NOTCH1: variants seen among roughly 807,000 people sequenced by gnomAD.
NOTCH1 encodes neurogenic locus notch homolog protein 1.
NOTCH1 carries 37 observed loss-of-function variants against 254.8 expected under a neutral mutation model. The observed-to-expected ratio is 0.15, with a 90% CI of 0.11 to 0.19. The LOEUF is 0.19. Ranked by LOEUF, NOTCH1 falls within the 10% of genes least tolerant of loss-of-function variation. The pLI is 1.00. For synonymous variants in NOTCH1, 1,731 were observed against 1,618.1 expected (o/e 1.07, Z -1.68); for missense variants, 2,972 against 3,708.6 (o/e 0.80, Z 5.16).
In NOTCH1 at chr9:136,500,788, T is replaced by G. The variant is rs200190466; in HGVS notation, c.5698A>C (p.Ser1900Arg). 6.2e-7 allele frequency: 1 copy of G among 1,601,576 alleles called. No homozygotes were observed. Among genetic ancestry groups the G allele is most frequent in the Non-Finnish European group, 8.5e-7 (1 of 1,179,710 alleles). ...CSGGGLETGN[S>R]EEEEDAPAVI... ...GCCGGCGCGTCCTCCTCTTCCTCGC[T>G]GTTGCCCGTCTCCAGGCCGCCCCCG... The change falls in exon 31 of 34, where the codon AGC becomes CGC. Residue 1900 changes from serine (S) to arginine (R), a missense_variant. Physicochemically the swap from Ser to Arg is moderately radical, Grantham distance 110. Coordinates refer to ENST00000651671, the MANE Select transcript of NOTCH1 (RefSeq NM_017617.5).
chr9:136,507,951 C>T lies in NOTCH1; in HGVS notation c.3510+4G>A. 1 of 1,612,408 alleles carries T rather than the reference C, an allele frequency of 6.2e-7. No homozygotes were observed. Among genetic ancestry groups the T allele is most frequent in the Non-Finnish European group, 8.5e-7 (1 of 1,179,946 alleles). ...ACAACCCTTACCCTAGGAGGGACCCCCACCTTGCAGGAGTAGCCGCCCAGG... is the reference window on the plus strand; with the variant it reads ...ACAACCCTTACCCTAGGAGGGACCCTCACCTTGCAGGAGTAGCCGCCCAGG... On this transcript the variant is annotated splice_donor_region_variant and intron_variant, in intron 21 of 33. Transcript: ENST00000651671.
intron 3 of NOTCH1, 26 bp from the exon 4 acceptor site, chr9:136,523,214 G>T (rs536728571): frequency 8.3e-6 from 13 of 1,571,244 alleles, no homozygotes; most frequent in Non-Finnish European, 9.5e-6. Context: ...CAAGAGGGTC[G>T]TGCTGGCCTC....
At chr9:136,542,645 C>A (rs1843748536) in intron 2 of NOTCH1, among the ~76,000 whole-genome samples, 1 of 118,566 alleles carries the variant, frequency 8.4e-6, no homozygotes. Context: ...GCTTAATTGG[C>A]TTCAGTTTGG....
intron 15 of NOTCH1, among the ~76,000 whole-genome samples, chr9:136,512,144 C>T (rs1049574382): frequency 5.9e-5 from 9 of 152,250 alleles, no homozygotes; most frequent in Non-Finnish European, 1.2e-4. Flanking sequence ...CTCCTCCTGC[C>T]GGCCCGATCG....
intron 8 of NOTCH1, 132 bp from the exon 9 acceptor site, chr9:136,517,517 C>T: frequency 1.2e-6 from 1 of 821,904 alleles, no homozygotes; most frequent in Admixed American, 2.1e-5. Context: ...CCCTGCGCAC[C>T]CGCTCCCCTG....
At position 136,496,663 on chromosome 9, in the gene NOTCH1, A is replaced by G. The variant is rs1206968320; in HGVS notation, c.7076T>C (p.Leu2359Pro). 1 of 1,612,976 alleles carries G rather than the reference A, an allele frequency of 6.2e-7. No individual in the cohort carries two copies. The highest frequency in any genetic ancestry group is 8.5e-7 in the Non-Finnish European group (1 of 1,179,932). The change falls in exon 34 of 34, where the codon CTG becomes CCG. Residue 2359 changes from leucine to proline, a missense_variant. By Grantham distance (98) the Leu-to-Pro change is moderately conservative. Around this residue, in one of 8 missense-constraint regions of NOTCH1, gnomAD observed 529 missense variants for 529.2 expected, o/e 1.00. Coordinates refer to ENST00000651671, the MANE Select transcript of NOTCH1 (RefSeq NM_017617.5). Reference sequence around the variant, plus strand: ...GCCCTGGTAGCTCATCATCTGGGACAGGGCGCTGGCAGCAAGGCTACTGTG... The same window carrying G: ...GCCCTGGTAGCTCATCATCTGGGACGGGGCGCTGGCAGCAAGGCTACTGTG... ...PLHSSLAASA[L>P]SQMMSYQGLP...
At chr9:136,507,263 C>T in intron 22 of NOTCH1, 42 bp downstream of exon 22, 1 of 1,612,566 alleles carries the variant, frequency 6.2e-7, no homozygotes, top group Non-Finnish European at 8.5e-7. Flanking sequence ...CCTGCCCTGG[C>T]CATGGATGGC....
At chr9:136,518,559 C>T (rs2133370441) in intron 6 of NOTCH1, 32 bp downstream of exon 6, 1 of 1,585,970 alleles carries the variant, frequency 6.3e-7, no homozygotes, top group Non-Finnish European at 8.6e-7. Flanking sequence ...CATGTGAGCC[C>T]CCTGCGCCCA....
chr9:136,522,693 G>A (rs1356490754), intron 4 of NOTCH1, 157 bp downstream of exon 4: 23 of 709,286 alleles, frequency 3.2e-5, no homozygotes, highest in Admixed American at 9.2e-5. Flanking sequence ...GCGTCCCCCC[G>A]ACACCACACG....
Position 136,513,004 on chromosome 9 carries a change from CCCCA to C in NOTCH1, c.2467+13_2467+16del. 2 of 803,224 alleles carry C rather than the reference CCCCA, an allele frequency of 2.5e-6. No individual in the cohort carries two copies. Among genetic ancestry groups the C allele is most frequent in the Non-Finnish European group, 1.8e-6 (1 of 543,986 alleles). The allele number at this position is 803,224 out of a possible 1,614,324, so 49.8% of individuals were successfully genotyped here. ...TAGGCCCCGCCCCCTCCAGCACAGG[CCCCA>C]CCCACCCCTCACCTGTGTAGGGCAG... On this transcript the variant is annotated intron_variant, in intron 15 of 33. Coordinates refer to ENST00000651671, the MANE Select transcript of NOTCH1 (RefSeq NM_017617.5). The surrounding 1 kb of genome is among the most constrained non-coding windows in gnomAD (Gnocchi z 4.7).
At chr9:136,529,370 GCCCCTC>G (rs956728849) in intron 2 of NOTCH1, among the ~76,000 whole-genome samples, 4 of 152,198 alleles carry the variant, frequency 2.6e-5, no homozygotes, top group African/African-American at 9.7e-5. Context: ...TGGGACCTCA[GCCCCTC>G]CCTTGGGTAG....
intron 2 of NOTCH1, among the ~76,000 whole-genome samples, chr9:136,538,995 G>A (rs752634020): frequency 1.1e-4 from 16 of 152,200 alleles, no homozygotes; most frequent in Non-Finnish European, 1.8e-4. Flanking sequence ...AGTGGGCACC[G>A]GTGGCCGCTG....
chr9:136,545,930 G>T lies in NOTCH1; in HGVS notation c.-144C>A. 3.9e-6 allele frequency: 1 copy of T among 255,922 alleles called. No homozygotes were observed. The highest frequency in any genetic ancestry group is 6.6e-6 in the Non-Finnish European group (1 of 151,200). The allele number at this position is 255,922 out of a possible 1,614,324, so 15.9% of individuals were successfully genotyped here. A position where few individuals can be genotyped will look rare whatever the true frequency, so the allele number is the denominator to read the frequency against. On this transcript the variant is annotated 5_prime_UTR_variant, in exon 1 of 34. Coordinates refer to ENST00000651671, the MANE Select transcript of NOTCH1 (RefSeq NM_017617.5). This position sits in a 1 kb window ranked among gnomAD's most constrained non-coding sequence, Gnocchi z 6.8. ...TTCCCCGGCTGGCTGGCGGCGCTGTGCTCTCGCAGGCCCCCGGGCCCGGCT... is the reference window on the plus strand; with the variant it reads ...TTCCCCGGCTGGCTGGCGGCGCTGTTCTCTCGCAGGCCCCCGGGCCCGGCT...
At chr9:136,535,082 T>G (rs544339969) in intron 2 of NOTCH1, among the ~76,000 whole-genome samples, 1 of 73,400 alleles carries the variant, frequency 1.4e-5, no homozygotes, top group East Asian at 4.3e-4. Context: ...TTCCAGGAAA[T>G]TGCAGGAACC....
chr9:136,525,102 A>G (rs999245738), intron 2 of NOTCH1, among the ~76,000 whole-genome samples: 15 of 152,206 alleles, frequency 9.9e-5, no homozygotes, highest in Non-Finnish European at 2.1e-4. Context: ...ATCCAGGCAC[A>G]TCAGCCAGGA....
rs527323201 is a variant in NOTCH1 at position 136,515,375 on chromosome 9, A to G, written c.1929T>C (p.Asp643=). Residue 643 remains aspartate (D), a synonymous_variant, in exon 12 of 34, where the codon GAT becomes GAC. Transcript: ENST00000651671. ...TTGPNCEINL[D]DCASSPCDSG... ...AGTCGCAGGGGCTGCTGGCACAGTC[A>G]TCCAGGTTGATCTCGCAGTTGGGTC... 7.4e-6 allele frequency: 12 copies of G among 1,612,952 alleles called. No individual in the cohort carries two copies. The highest frequency in any genetic ancestry group is 5.0e-5 in the Admixed American group (3 of 60,026).
chr9:136,527,730 G>A (rs950366897), intron 2 of NOTCH1, among the ~76,000 whole-genome samples: 1 of 152,192 alleles, frequency 6.6e-6, no homozygotes, highest in Non-Finnish European at 1.5e-5. Context: ...GGGTCACCCG[G>A]CACCTGCCTG....
chr9:136,497,567 T>A lies in NOTCH1; in HGVS notation c.6181-9A>T, dbSNP rs779894646. On this transcript the variant is annotated splice_polypyrimidine_tract_variant and intron_variant, in intron 33 of 33. Coordinates refer to ENST00000651671, the MANE Select transcript of NOTCH1 (RefSeq NM_017617.5). Reference sequence around the variant, plus strand: ...AACAGGGGTGTCTCCTCCTGGGGGATGAGGGCGGGGGCCGGTGAGGGGGGC... The same window carrying A: ...AACAGGGGTGTCTCCTCCTGGGGGAAGAGGGCGGGGGCCGGTGAGGGGGGC... The A allele has an allele frequency of 1.3e-6, 2 of 1,567,518 alleles. No individual in the cohort carries two copies. The highest frequency in any genetic ancestry group is 1.7e-6 in the Non-Finnish European group (2 of 1,156,768).
In NOTCH1 at chr9:136,506,544, T is replaced by C. The variant is rs772084075; in HGVS notation, c.3997A>G (p.Ile1333Val). ...GCACCTACCGCAGGGCACTTGCAGA[T>C]GAACCCGCGGGCGGTGTTGGAGGCC... is the stretch of plus-strand genomic sequence containing the variant. Reference protein sequence around the residue: ...AVASNTARGFICKCPAGFEGA... With the variant: ...AVASNTARGFVCKCPAGFEGA... Residue 1333 changes from isoleucine to valine, a missense_variant, in exon 24 of 34, where the codon ATC becomes GTC. Ile to Val is a conservative substitution (Grantham distance 29). Transcript: ENST00000651671. This position sits in a 1 kb window ranked among gnomAD's most constrained non-coding sequence, Gnocchi z 4.5. 4 of 1,605,406 alleles carry C rather than the reference T, an allele frequency of 2.5e-6. No individual in the cohort carries two copies. The highest frequency in any genetic ancestry group is 3.4e-6 in the Non-Finnish European group (4 of 1,177,344).
Sources: gnomAD v4.1 joint callset for allele counts (sites outside exome capture counted in the v4.1 genomes callset) on GRCh38, gnomAD v4.1.1 for gene constraint, gnomAD v4.1.1 regional missense constraint, Gnocchi (gnomAD v3.1) non-coding constraint, MANE v1.5 for transcripts, NCBI Gene and HGNC (gene_info 2026-07-23, HGNC 2026-07-21) for gene names.